RGS12: variants seen among roughly 807,000 people sequenced by gnomAD.
The protein encoded by RGS12 is regulator of G-protein signaling 12.
RGS12 carries 66 observed loss-of-function variants against 120.1 expected under a neutral mutation model. The ratio of observed to expected loss-of-function variants is 0.55; its 90% confidence interval spans 0.45 to 0.67. The LOEUF (loss-of-function observed/expected upper bound fraction) is 0.67, where lower values mean the gene tolerates loss of function less well. RGS12 is among the 30% of genes least tolerant of loss of function. The probability of loss-of-function intolerance (pLI) is 0.00; values close to 1 mark genes in which losing one functional copy is unlikely to be tolerated. For synonymous variants in RGS12, 827 were observed against 804.7 expected (o/e 1.03, Z -0.47); for missense variants, 1,859 against 1,957.7 (o/e 0.95, Z 0.95).
At chr4:3,407,043 G>T (rs937763882) in intron 4 of RGS12, among the ~76,000 whole-genome samples, 1 of 152,198 alleles carries the variant, frequency 6.6e-6, no homozygotes, top group African/African-American at 2.4e-5. Flanking sequence ...TAAGTTACAT[G>T]TGGAAAGAAG....
intron 2 of RGS12, among the ~76,000 whole-genome samples, chr4:3,331,958 G>A (rs1711899009): frequency 6.6e-6 from 1 of 152,216 alleles, no homozygotes; most frequent in African/African-American, 2.4e-5. Context: ...CGGCCACCGA[G>A]TGCGCTCTCT....
At chr4:3,396,070 T>C (rs1407595120) in intron 4 of RGS12, among the ~76,000 whole-genome samples, 1 of 152,248 alleles carries the variant, frequency 6.6e-6, no homozygotes, top group Non-Finnish European at 1.5e-5. Context: ...TTTTTTGTTG[T>C]ATTGTTATTT....
intron 3 of RGS12, among the ~76,000 whole-genome samples, chr4:3,360,058 C>G (rs191906364): frequency 6.6e-6 from 1 of 152,134 alleles, no homozygotes. Context: ...CTGCGCCTGG[C>G]GAGATTTTCT....
intron 2 of RGS12, among the ~76,000 whole-genome samples, chr4:3,336,343 T>C (rs74710377): frequency 0.038 from 5,822 of 152,286 alleles, 291 homozygotes; most frequent in African/African-American, 0.12. Flanking sequence ...CTTCTCTACA[T>C]AGTACTCTCT....
chr4:3,297,860 G>A (rs1047833231), intron 1 of RGS12, among the ~76,000 whole-genome samples: 70 of 152,068 alleles, frequency 4.6e-4, no homozygotes, highest in African/African-American at 1.7e-3. Flanking sequence ...CTCACTCCTC[G>A]TTTTGCTGAA....
chr4:3,375,321 TCCAGCC>T (rs1208194019), intron 3 of RGS12, among the ~76,000 whole-genome samples: 10 of 61,250 alleles, frequency 1.6e-4, no homozygotes, highest in African/African-American at 4.6e-4. Flanking sequence ...AGCCCTCATC[TCCAGCC>T]TCATCTCCAG....
At chr4:3,321,392 C>T (rs1044307823) in intron 2 of RGS12, among the ~76,000 whole-genome samples, 1 of 152,184 alleles carries the variant, frequency 6.6e-6, no homozygotes, top group Non-Finnish European at 1.5e-5. Context: ...CCAGTCCACC[C>T]CACTCCATCT....
chr4:3,397,955 T>A (rs566324787), intron 4 of RGS12, among the ~76,000 whole-genome samples: 1 of 152,294 alleles, frequency 6.6e-6, no homozygotes, highest in South Asian at 2.1e-4. Context: ...ATTATTTAGG[T>A]TTACATCCTA....
rs1010358394 is a variant in RGS12, at chr4:3,372,355, C to A, written c.1999-14061C>A. Among the ~76,000 whole-genome samples the A allele has an allele frequency of 1.3e-5, 2 of 152,194 alleles. No homozygotes were observed. Among genetic ancestry groups the A allele is most frequent in the African/African-American group, 2.4e-5 (1 of 41,460 alleles). ...GTCACAGGGTCCTGGGTGGGACTTTCCGGGGCAGTTCCACCTCTCCTGTGA... is the reference window on the plus strand; with the variant it reads ...GTCACAGGGTCCTGGGTGGGACTTTACGGGGCAGTTCCACCTCTCCTGTGA... On this transcript the variant is annotated intron_variant, in intron 3 of 17. Coordinates refer to ENST00000336727, the MANE Select transcript of RGS12 (RefSeq NM_001394154.1). The surrounding 1 kb of genome is among the most constrained non-coding windows in gnomAD (Gnocchi z 4.3).
the RGS12 span, among the ~76,000 whole-genome samples, chr4:3,286,174 C>CGAG: frequency 6.6e-6 from 1 of 152,188 alleles, no homozygotes; most frequent in Non-Finnish European, 1.5e-5. Context: ...TGCCTAGGAC[C>CGAG]GAGGAGGTTC....
chr4:3,364,330 G>T (rs998069992), intron 3 of RGS12, among the ~76,000 whole-genome samples: 1 of 152,300 alleles, frequency 6.6e-6, no homozygotes, highest in East Asian at 1.9e-4. Flanking sequence ...AGCCCCTGCA[G>T]CCTGTGCTGA....
intron 3 of RGS12, among the ~76,000 whole-genome samples, chr4:3,376,897 C>T (rs1370801858): frequency 1.3e-5 from 2 of 152,180 alleles, no homozygotes; most frequent in East Asian, 3.8e-4. Flanking sequence ...GTCTCAGCCT[C>T]TGGCGTGGAT....
At chr4:3,328,920 T>G (rs1056201921) in intron 2 of RGS12, among the ~76,000 whole-genome samples, 1 of 152,180 alleles carries the variant, frequency 6.6e-6, no homozygotes, top group Non-Finnish European at 1.5e-5. Context: ...ATCTGGGATC[T>G]GTTACCTGGC....
chr4:3,307,497 CA>C (rs1560643489), intron 1 of RGS12, among the ~76,000 whole-genome samples: 1 of 152,206 alleles, frequency 6.6e-6, no homozygotes, highest in African/African-American at 2.4e-5. Flanking sequence ...TTTTTTAGTA[CA>C]AAAAAGTTCT....
chr4:3,424,732 T>C (rs908956927), intron 13 of RGS12, among the ~76,000 whole-genome samples: 1 of 152,200 alleles, frequency 6.6e-6, no homozygotes, highest in Non-Finnish European at 1.5e-5. Context: ...GGATGTGGCT[T>C]TTCCTTGGAC....
Position 3,318,085 on chromosome 4 carries a change from C to T in RGS12, c.1881+34C>T, listed in dbSNP as rs544844505. 114 of 1,545,830 alleles carry T rather than the reference C, an allele frequency of 7.4e-5. 1 individual carries two copies. The East Asian group carries it at 2.4e-3, about 33-fold the overall frequency. Reference sequence around the variant, plus strand: ...GCCAGGAGCCACTCAGCGCGGAGGCCCGGCCTCCTCACTTAGCAGTCACGG... The same window carrying T: ...GCCAGGAGCCACTCAGCGCGGAGGCTCGGCCTCCTCACTTAGCAGTCACGG... On this transcript the variant is annotated intron_variant, in intron 2 of 17. Coordinates refer to ENST00000336727, the MANE Select transcript of RGS12 (RefSeq NM_001394154.1).
chr4:3,311,483 G>A (rs1243084013), intron 1 of RGS12, among the ~76,000 whole-genome samples: 1 of 152,182 alleles, frequency 6.6e-6, no homozygotes, highest in Non-Finnish European at 1.5e-5. Flanking sequence ...TACACCATGA[G>A]TTTTTAATGA....
intron 3 of RGS12, among the ~76,000 whole-genome samples, chr4:3,378,918 GTCTC>G (rs1717967351): frequency 6.6e-6 from 1 of 152,036 alleles, no homozygotes; most frequent in Non-Finnish European, 1.5e-5. Flanking sequence ...AATAAAATCA[GTCTC>G]TCATAGTTGT....
intron 4 of RGS12, among the ~76,000 whole-genome samples, chr4:3,399,147 T>TG (rs1720338780): frequency 1.3e-5 from 2 of 152,220 alleles, no homozygotes; most frequent in South Asian, 4.2e-4. Context: ...TGATTTTCAG[T>TG]GAAAAAATTG....
Sources: allele counts gnomAD v4.1 joint callset (sites outside exome capture counted in the v4.1 genomes callset), GRCh38; gene constraint gnomAD v4.1.1; non-coding constraint Gnocchi (gnomAD v3.1); transcripts MANE v1.5; gene names NCBI Gene and HGNC (gene_info 2026-07-23, HGNC 2026-07-21).